Variants in LRFN5 observed in about 807,000 individuals in gnomAD.
LRFN5 encodes leucine rich repeat and fibronectin type III domain containing 5, also known as leucine-rich repeat and fibronectin type-III domain-containing protein 5.
LRFN5 carries 24 observed loss-of-function variants against 45.6 expected under a neutral mutation model. That is an observed-to-expected ratio of 0.53 (90% CI 0.38 to 0.74). LRFN5 has a LOEUF of 0.74. Ranked by LOEUF, LRFN5 falls within the 30% of genes least tolerant of loss-of-function variation. The pLI is 0.00. For synonymous variants in LRFN5, 340 were observed against 313.8 expected, an observed-to-expected ratio of 1.08 and a Z score of -0.88; for missense variants, 776 against 861.5, an observed-to-expected ratio of 0.90 and a Z score of 1.24.
intron 1 of LRFN5, chr14:41,610,243 C>G (rs1887692659): frequency 1.3e-5 from 2 of 152,162 alleles, no homozygotes; most frequent in African/African-American, 4.8e-5. Context: ...TCTTTGCCTG[C>G]AAAACCTTTC....
chr14:41,761,496 G>C (rs1885666782), intron 1 of LRFN5, among the ~76,000 whole-genome samples: 1 of 152,120 alleles, frequency 6.6e-6, no homozygotes, highest in African/African-American at 2.4e-5. Context: ...CATACTATCT[G>C]TCTGCTGACT....
rs1049062114 is a variant in LRFN5 at position 41,859,846 on chromosome 14, A to G, written c.-20-26760A>G. On this transcript the variant is annotated intron_variant, in intron 2 of 5. Coordinates refer to ENST00000298119, the MANE Select transcript of LRFN5 (RefSeq NM_152447.5). ...CTCTCATAGTTGTCATCACACTGAA[A>G]GTATCATTTTCCCCTTATTTGTGCC... Among the ~76,000 whole-genome samples, 66 of 152,148 alleles carry G rather than the reference A, an allele frequency of 4.3e-4. 1 individual carries two copies. Among genetic ancestry groups the G allele is most frequent in the Non-Finnish European group, 1.5e-5 (1 of 68,018 alleles).
chr14:41,771,650 A>G (rs1298496870), intron 2 of LRFN5, among the ~76,000 whole-genome samples: 3 of 151,950 alleles, frequency 2.0e-5, no homozygotes, highest in African/African-American at 7.3e-5. Flanking sequence ...AACAGGGAGG[A>G]CCTTTACTCC....
intron 1 of LRFN5, among the ~76,000 whole-genome samples, chr14:41,752,764 G>C (rs1467418405): frequency 1.3e-5 from 2 of 152,082 alleles, no homozygotes; most frequent in Non-Finnish European, 2.9e-5. Flanking sequence ...AAGCTCTTTA[G>C]TTTAATTAGA....
chr14:41,861,034 T>C (rs966187125), intron 2 of LRFN5, among the ~76,000 whole-genome samples: 4 of 152,216 alleles, frequency 2.6e-5, no homozygotes, highest in Non-Finnish European at 5.9e-5. Context: ...TCATGGAGTT[T>C]ATTAGTCTCT....
intron 1 of LRFN5, among the ~76,000 whole-genome samples, chr14:41,681,248 A>G (rs1440544812): frequency 6.6e-6 from 1 of 152,220 alleles, no homozygotes; most frequent in African/African-American, 2.4e-5. Flanking sequence ...AAATATATCA[A>G]TATTTAAGAA....
At chr14:41,783,340 G>A (rs114176378) in intron 2 of LRFN5, among the ~76,000 whole-genome samples, 1,825 of 152,174 alleles carry the variant, frequency 0.012, 8 homozygotes, top group Middle Eastern at 0.034. Context: ...TGCTGCTCCA[G>A]GTAAGCGGAT....
chr14:41,655,242 G>C (rs554430096), intron 1 of LRFN5, among the ~76,000 whole-genome samples: 2 of 152,048 alleles, frequency 1.3e-5, no homozygotes, highest in East Asian at 3.9e-4. Flanking sequence ...TAGATTCTAG[G>C]GAAAAATGAA....
chr14:41,759,437 T>TTC (rs142007567), intron 1 of LRFN5, among the ~76,000 whole-genome samples: 16,720 of 145,254 alleles, frequency 0.12, 1,203 homozygotes, highest in Admixed American at 0.16. Flanking sequence ...ATAAAGTATA[T>TTC]TCTCTCTCTC....
At chr14:41,750,893 T>TA (rs2138842449) in intron 1 of LRFN5, among the ~76,000 whole-genome samples, 1 of 152,218 alleles carries the variant, frequency 6.6e-6, no homozygotes, top group African/African-American at 2.4e-5. Flanking sequence ...TACATAGGTA[T>TA]ACACGTGCCA....
intron 1 of LRFN5, among the ~76,000 whole-genome samples, chr14:41,671,761 G>T (rs1881246707): frequency 6.6e-6 from 1 of 151,688 alleles, no homozygotes; most frequent in Non-Finnish European, 1.5e-5. Flanking sequence ...TGGGATTACA[G>T]GTGTGCACCA....
chr14:41,898,797 T>G, intron 4 of LRFN5, 120 bp from the exon 5 acceptor site: 1 of 926,762 alleles, frequency 1.1e-6, no homozygotes, highest in Non-Finnish European at 1.6e-6. Flanking sequence ...AAAAAAATCT[T>G]TAGATAAATC....
At chr14:41,635,728 G>A (rs758034682) in intron 1 of LRFN5, among the ~76,000 whole-genome samples, 6 of 152,038 alleles carry the variant, frequency 3.9e-5, no homozygotes, top group Non-Finnish European at 8.8e-5. Context: ...AACAGGTGAG[G>A]TCCAAATCAT....
chr14:41,707,168 C>T (rs546149621), intron 1 of LRFN5, among the ~76,000 whole-genome samples: 2 of 152,262 alleles, frequency 1.3e-5, no homozygotes, highest in South Asian at 4.1e-4. Flanking sequence ...GGAAGAAGGC[C>T]TGCCTTAAAT....
chr14:41,739,625 C>T (rs929151603), intron 1 of LRFN5, among the ~76,000 whole-genome samples: 1 of 150,454 alleles, frequency 6.6e-6, no homozygotes, highest in African/African-American at 2.4e-5. Context: ...AGAAAGATTT[C>T]AAACAACCTA....
In LRFN5 at chr14:41,887,900, A is replaced by G. The variant is rs1253553562; in HGVS notation, c.1275A>G (p.Glu425=). The G allele has an allele frequency of 6.2e-7, 1 of 1,614,116 alleles. No individual in the cohort carries two copies. Among genetic ancestry groups the G allele is most frequent in the South Asian group, 1.1e-5 (1 of 91,086 alleles). ...KLSQDKIVVA[E]ATSSTALLKF... ...GTCAAGATAAAATTGTGGTGGCAGA[A>G]GCTACATCATCAACGGCACTACTTA... The change falls in exon 3 of 6, where the codon GAA becomes GAG. Residue 425 remains glutamate, a synonymous_variant. Transcript: ENST00000298119. This position sits in a 1 kb window ranked among gnomAD's most constrained non-coding sequence, Gnocchi z 4.8.
chr14:41,825,524 T>C (rs1888263912), intron 2 of LRFN5, among the ~76,000 whole-genome samples: 1 of 152,218 alleles, frequency 6.6e-6, no homozygotes, highest in Middle Eastern at 3.2e-3. Context: ...ACTCACTCTC[T>C]TTCCCCAAGA....
intron 1 of LRFN5, among the ~76,000 whole-genome samples, chr14:41,760,815 C>T (rs953124788): frequency 6.6e-6 from 1 of 151,844 alleles, no homozygotes; most frequent in Admixed American, 6.6e-5. Flanking sequence ...AAAGGATCTA[C>T]ATAAGGGGAT....
intron 1 of LRFN5, among the ~76,000 whole-genome samples, chr14:41,610,956 C>T (rs1412053240): frequency 6.6e-6 from 1 of 152,074 alleles, no homozygotes; most frequent in African/African-American, 2.4e-5. Context: ...GCAAGTAACT[C>T]ATACCTATCT....
Sources: gnomAD v4.1 joint callset for allele counts (sites outside exome capture counted in the v4.1 genomes callset) on GRCh38, gnomAD v4.1.1 for gene constraint, Gnocchi (gnomAD v3.1) non-coding constraint, MANE v1.5 for transcripts, NCBI Gene and HGNC (gene_info 2026-07-23, HGNC 2026-07-21) for gene names.